Variants in DGKB observed in about 807,000 individuals in gnomAD.
DGKB encodes the protein diacylglycerol kinase beta, also known as 90 kDa diacylglycerol kinase.
DGKB carries 67 observed loss-of-function variants against 114.3 expected under a neutral mutation model. That is an observed-to-expected ratio of 0.59 (90% confidence interval 0.48 to 0.72). The LOEUF (loss-of-function observed/expected upper bound fraction) is 0.72. Ranked by LOEUF, DGKB falls within the 30% of genes least tolerant of loss-of-function variation. The pLI is 0.00. For missense variants in DGKB, 907 were observed against 975.2 expected, an observed-to-expected ratio of 0.93 and a Z score of 0.93; for synonymous variants, 398 against 323.1, an observed-to-expected ratio of 1.23 and a Z score of -2.49.
At chr7:14,628,307 A>ATGTGTGTGTGTGTG (rs139191761) in intron 14 of DGKB, among the ~76,000 whole-genome samples, 18,369 of 150,472 alleles carry the variant, frequency 0.12, 1,232 homozygotes, top group Middle Eastern at 0.18. Flanking sequence ...AACACAAGTT[A>ATGTGTGTGTGTGTG]TGTGTGTGTG....
intron 4 of DGKB, among the ~76,000 whole-genome samples, chr7:14,747,122 C>A (rs950649198): frequency 6.6e-6 from 1 of 151,208 alleles, no homozygotes; most frequent in Non-Finnish European, 1.5e-5. Context: ...TTCTTTGGAG[C>A]AAAATTAATT....
chr7:14,512,473 A>G (rs910287690), intron 20 of DGKB, among the ~76,000 whole-genome samples: 1 of 152,192 alleles, frequency 6.6e-6, no homozygotes, highest in Non-Finnish European at 1.5e-5. Context: ...TTCAACTTGT[A>G]CATCAGATAG....
chr7:14,862,425 T>C (rs1307049129), intron 1 of DGKB, among the ~76,000 whole-genome samples: 2 of 152,110 alleles, frequency 1.3e-5, no homozygotes, highest in Admixed American at 6.6e-5. Flanking sequence ...GTGTTCTCTA[T>C]AACCTAAGTA....
chr7:14,268,369 TA>T (rs1288597513), intron 23 of DGKB, among the ~76,000 whole-genome samples: 2 of 151,950 alleles, frequency 1.3e-5, no homozygotes, highest in Non-Finnish European at 2.9e-5. Context: ...CAGCAATAAA[TA>T]AATAAATAAA....
intron 1 of DGKB, among the ~76,000 whole-genome samples, chr7:14,885,662 G>A (rs1854942744): frequency 6.6e-6 from 1 of 151,866 alleles, no homozygotes; most frequent in African/African-American, 2.4e-5. Context: ...AATAGGACTT[G>A]CGTCAATTGA....
chr7:14,940,216 T>C (rs943914626), intron 1 of DGKB, among the ~76,000 whole-genome samples: 1 of 152,158 alleles, frequency 6.6e-6, no homozygotes, highest in East Asian at 1.9e-4. Context: ...TAATTATGAG[T>C]TGCCAAAGTC....
intron 1 of DGKB, among the ~76,000 whole-genome samples, chr7:14,933,019 C>A (rs540922207): frequency 2.6e-5 from 4 of 152,306 alleles, no homozygotes; most frequent in Admixed American, 6.5e-5. Context: ...ATCTGCTCCT[C>A]TGTCCTTTCA....
intron 8 of DGKB, among the ~76,000 whole-genome samples, chr7:14,695,576 A>G (rs928158887): frequency 1.5e-5 from 2 of 130,732 alleles, no homozygotes; most frequent in African/African-American, 5.8e-5. Context: ...CTGGGCTCAT[A>G]GCAAGCTCCG....
intron 1 of DGKB, among the ~76,000 whole-genome samples, chr7:14,933,854 T>G (rs181062231): frequency 6.6e-6 from 1 of 152,136 alleles, no homozygotes; most frequent in Non-Finnish European, 1.5e-5. Context: ...CTCTGTTTGG[T>G]TGATATCTGA....
At chr7:14,156,549 T>A (rs1783057556) in intron 25 of DGKB, among the ~76,000 whole-genome samples, 1 of 152,174 alleles carries the variant, frequency 6.6e-6, no homozygotes, top group Non-Finnish European at 1.5e-5. Flanking sequence ...ATTATTCCTC[T>A]CTGGATTTTT....
chr7:14,674,423 T>C (rs1819514815), intron 12 of DGKB, among the ~76,000 whole-genome samples: 2 of 152,126 alleles, frequency 1.3e-5, no homozygotes, highest in Admixed American at 6.6e-5. Context: ...TAGTGACTTG[T>C]TTAAAATGTA....
At chr7:14,929,019 G>GTA (rs1247133356) in intron 1 of DGKB, among the ~76,000 whole-genome samples, 3 of 124,246 alleles carry the variant, frequency 2.4e-5, no homozygotes, top group Admixed American at 1.7e-4. Context: ...ACTGCATTGT[G>GTA]TATACACACA....
chr7:14,730,962 G>A (rs1830821341), intron 5 of DGKB, among the ~76,000 whole-genome samples: 1 of 152,212 alleles, frequency 6.6e-6, no homozygotes, highest in South Asian at 2.1e-4. Flanking sequence ...ACGTTTTGGA[G>A]ATGGGAAGTC....
chr7:14,445,396 G>T (rs1216238131), intron 21 of DGKB, among the ~76,000 whole-genome samples: 1 of 151,862 alleles, frequency 6.6e-6, no homozygotes, highest in Non-Finnish European at 1.5e-5. Flanking sequence ...TGATATTGAG[G>T]AAAAAATCCA....
At chr7:14,435,618 G>A (rs1370965597) in intron 21 of DGKB, among the ~76,000 whole-genome samples, 1 of 151,854 alleles carries the variant, frequency 6.6e-6, no homozygotes, top group Non-Finnish European at 1.5e-5. Flanking sequence ...TCCTGAAAAA[G>A]CTCCCAACAT....
intron 21 of DGKB, among the ~76,000 whole-genome samples, chr7:14,474,604 A>T (rs551894369): frequency 6.6e-6 from 1 of 150,422 alleles, no homozygotes; most frequent in African/African-American, 2.4e-5. Context: ...TGCCCTTTTT[A>T]ATGTTGCTTA....
intron 12 of DGKB, 28 bp from the exon 13 acceptor site, chr7:14,673,055 C>G: frequency 7.4e-7 from 1 of 1,350,344 alleles, no homozygotes; most frequent in East Asian, 2.5e-5. Context: ...GGGATAGTAT[C>G]AAATTCTACA....
intron 23 of DGKB, among the ~76,000 whole-genome samples, chr7:14,318,426 A>G (rs1205058983): frequency 6.6e-6 from 1 of 152,214 alleles, no homozygotes; most frequent in Admixed American, 6.5e-5. Flanking sequence ...CAATGAACTC[A>G]AACAAATTTA....
chr7:14,812,296 T>C (rs1368199831), intron 2 of DGKB, among the ~76,000 whole-genome samples: 1 of 152,136 alleles, frequency 6.6e-6, no homozygotes, highest in African/African-American at 2.4e-5. Context: ...TTTTATTACC[T>C]GTCTTTAGTT....
Sources: gnomAD v4.1 joint callset for allele counts (sites outside exome capture counted in the v4.1 genomes callset) on GRCh38, gnomAD v4.1.1 for gene constraint, MANE v1.5 for transcripts, NCBI Gene and HGNC (gene_info 2026-07-23, HGNC 2026-07-21) for gene names.